The following GLG1 variants were observed in gnomAD, a reference collection of about 807,000 sequenced individuals.
GLG1 encodes the protein golgi glycoprotein 1, also known as Golgi apparatus protein 1.
GLG1 carries 38 observed loss-of-function variants against 160.5 expected under a neutral mutation model. That is an observed-to-expected ratio of 0.24 (90% confidence interval 0.18 to 0.31). The LOEUF is 0.31. GLG1 is among the 10% of genes least tolerant of loss of function. GLG1 has a pLI of 1.00. For synonymous variants in GLG1, 644 were observed against 543.4 expected, an observed-to-expected ratio of 1.19 and a Z score of -2.57; for missense variants, 1,373 against 1,505.2, an observed-to-expected ratio of 0.91 and a Z score of 1.45.
At chr16:74,520,360 G>C (rs1474681730) in intron 2 of GLG1, among the ~76,000 whole-genome samples, 1 of 152,190 alleles carries the variant, frequency 6.6e-6, no homozygotes, top group Non-Finnish European at 1.5e-5. Flanking sequence ...CACGTGGCCG[G>C]AGACGGTGGC....
At chr16:74,464,540 G>C (rs140828654) in intron 19 of GLG1, among the ~76,000 whole-genome samples, 4 of 152,346 alleles carry the variant, frequency 2.6e-5, no homozygotes, top group African/African-American at 9.6e-5. Context: ...CTTGAGCACT[G>C]AGCCTCTCTT....
intron 1 of GLG1, 91 bp downstream of exon 1, chr16:74,606,566 G>C (rs1004704790): frequency 9.0e-7 from 1 of 1,106,930 alleles, no homozygotes; most frequent in Non-Finnish European, 1.3e-6. Flanking sequence ...AGCAAGGAAA[G>C]CAGCCGACCG....
intron 1 of GLG1, among the ~76,000 whole-genome samples, chr16:74,595,814 T>C (rs1173926717): frequency 6.6e-6 from 1 of 152,178 alleles, no homozygotes; most frequent in Non-Finnish European, 1.5e-5. Flanking sequence ...AAATTTTTTT[T>C]AAGACATAAA....
chr16:74,573,214 T>C (rs984594535), intron 1 of GLG1, among the ~76,000 whole-genome samples: 1 of 152,150 alleles, frequency 6.6e-6, no homozygotes, highest in South Asian at 2.1e-4. Context: ...AAAAAAACCC[T>C]GACAGTTGGC....
intron 2 of GLG1, among the ~76,000 whole-genome samples, chr16:74,510,878 C>T (rs2016782520): frequency 6.6e-6 from 1 of 151,986 alleles, no homozygotes; most frequent in Admixed American, 6.6e-5. Flanking sequence ...ATATTCCAAA[C>T]TGGGGAGGGA....
At position 74,451,769 on chromosome 16, in the gene GLG1, C is replaced by T. The variant is rs530481533; in HGVS notation, c.*1398G>A. 306 of 402,132 alleles carry T rather than the reference C, an allele frequency of 7.6e-4. No individual in the cohort carries two copies. Among genetic ancestry groups the T allele is most frequent in the African/African-American group, 5.6e-3 (277 of 49,648 alleles). 24.9% of individuals were successfully genotyped at this position (402,132 alleles called of 1,614,324 possible). ...GAGTGCCACGCTGAACCATGATGCC[C>T]GGACCCCTCCCTCTCACACCCAGAC... On this transcript the variant is annotated 3_prime_UTR_variant, in exon 26 of 26. Coordinates refer to ENST00000422840, the MANE Select transcript of GLG1 (RefSeq NM_001145667.2).
At chr16:74,463,938 G>A in intron 19 of GLG1, 1 of 181,282 alleles carries the variant, frequency 5.5e-6, no homozygotes, top group Admixed American at 5.5e-5. Flanking sequence ...AAATAAATCT[G>A]TAAGTAGCTG....
At chr16:74,508,454 T>C (rs2016690471) in intron 3 of GLG1, among the ~76,000 whole-genome samples, 2 of 152,194 alleles carry the variant, frequency 1.3e-5, no homozygotes, top group South Asian at 4.1e-4. Context: ...TTATTTGAAG[T>C]ATATACCTCT....
chr16:74,558,857 T>C (rs2018425277), intron 1 of GLG1, among the ~76,000 whole-genome samples: 1 of 152,212 alleles, frequency 6.6e-6, no homozygotes. Context: ...TTCTATTACC[T>C]ATTTTGTCAC....
intron 2 of GLG1, among the ~76,000 whole-genome samples, chr16:74,523,264 T>C (rs1253263486): frequency 2.6e-5 from 4 of 152,206 alleles, no homozygotes; most frequent in Non-Finnish European, 5.9e-5. Context: ...GAATGGATTT[T>C]CCATGAATGG....
intron 1 of GLG1, among the ~76,000 whole-genome samples, chr16:74,563,977 G>A (rs546464502): frequency 6.6e-6 from 1 of 152,272 alleles, no homozygotes; most frequent in South Asian, 2.1e-4. Context: ...AGGCCGGACT[G>A]CAGTGGCTCA....
At chr16:74,549,472 G>A (rs2018139515) in intron 1 of GLG1, among the ~76,000 whole-genome samples, 1 of 152,182 alleles carries the variant, frequency 6.6e-6, no homozygotes, top group South Asian at 2.1e-4. Context: ...ATTTTTAGTA[G>A]AGACGGGGTT....
At position 74,462,115 on chromosome 16, in the gene GLG1, G is replaced by A. The variant is rs144198850; in HGVS notation, c.3015C>T (p.Leu1005=). 3.9e-3 allele frequency: 6,295 copies of A among 1,597,742 alleles called. 21 individuals are homozygous for A. Among genetic ancestry groups the A allele is most frequent in the Non-Finnish European group, 4.9e-3 (5,727 of 1,165,188 alleles). Residue 1005 remains leucine (L), a synonymous_variant, in exon 22 of 26, where the codon CTC becomes CTT. Coordinates refer to ENST00000422840, the MANE Select transcript of GLG1 (RefSeq NM_001145667.2). ...CCACCTCGTCTGAGCAGTGCAGCTG[G>A]AGCTGAGGATCCAGGCGGTAGTCCA... ...SALDYRLDPQ[L]QLHCSDEISS...
chr16:74,512,745 AG>A (rs1250230753), intron 2 of GLG1, among the ~76,000 whole-genome samples: 3 of 152,178 alleles, frequency 2.0e-5, no homozygotes, highest in Non-Finnish European at 2.9e-5. Flanking sequence ...GGACAAAAGA[AG>A]GAAGAGTCAG....
intron 1 of GLG1, among the ~76,000 whole-genome samples, chr16:74,606,375 C>A (rs1324667564): frequency 6.6e-6 from 1 of 152,136 alleles, no homozygotes; most frequent in Non-Finnish European, 1.5e-5. Flanking sequence ...AAGACAGGAG[C>A]GAACAGACAC....
intron 2 of GLG1, among the ~76,000 whole-genome samples, chr16:74,511,233 G>C (rs1257127066): frequency 6.6e-6 from 1 of 152,118 alleles, no homozygotes; most frequent in Non-Finnish European, 1.5e-5. Flanking sequence ...GAAGCATGCA[G>C]TTAATTCTGT....
At chr16:74,563,692 T>TGCA (rs77839816) in intron 1 of GLG1, among the ~76,000 whole-genome samples, 81,186 of 147,240 alleles carry the variant, frequency 0.55, 23,116 homozygotes, top group East Asian at 0.8. Context: ...ACGCCACTAT[T>TGCA]CTCCAGCCTG....
At position 74,607,112 on chromosome 16, in the gene GLG1, C is replaced by T. The variant is rs575811424; in HGVS notation, c.-18G>A. On this transcript the variant is annotated 5_prime_UTR_variant, in exon 1 of 26. Transcript: ENST00000422840. Reference sequence around the variant, plus strand: ...GCCGCCATCTTGAGTCCGCGGCGAGCTCGACGCACTCGCCGGCGCCGCGTA... The same window carrying T: ...GCCGCCATCTTGAGTCCGCGGCGAGTTCGACGCACTCGCCGGCGCCGCGTA... The T allele has an allele frequency of 6.6e-7, 1 of 1,505,836 alleles. No individual in the cohort carries two copies. Among genetic ancestry groups the T allele is most frequent in the South Asian group, 1.2e-5 (1 of 80,728 alleles). The allele number at this position is 1,505,836 out of a possible 1,614,324, so 93.3% of individuals were successfully genotyped here.
At chr16:74,499,870 GCAGGCACCTGTAGTCC>G (rs1051227593) in intron 4 of GLG1, among the ~76,000 whole-genome samples, 2 of 152,150 alleles carry the variant, frequency 1.3e-5, no homozygotes, top group Non-Finnish European at 2.9e-5. Flanking sequence ...GGGCATGGTG[GCAGGCACCTGTAGTCC>G]CAGCCACTCA....
Sources: allele counts gnomAD v4.1 joint callset (sites outside exome capture counted in the v4.1 genomes callset), GRCh38; gene constraint gnomAD v4.1.1; transcripts MANE v1.5; gene names NCBI Gene and HGNC (gene_info 2026-07-23, HGNC 2026-07-21).